Variants in VPS13B observed in about 807,000 individuals in gnomAD.
VPS13B encodes intermembrane lipid transfer protein VPS13B.
In VPS13B, 285 loss-of-function variants were observed where a neutral mutation model predicts 426.4. The observed-to-expected ratio is 0.67, with a 90% confidence interval of 0.61 to 0.74. The LOEUF (loss-of-function observed/expected upper bound fraction) is 0.74. Ranked by LOEUF, VPS13B falls within the 30% of genes least tolerant of loss-of-function variation. VPS13B has a pLI of 0.00. For missense variants in VPS13B, 4,537 were observed against 4,782.6 expected (o/e 0.95, Z 1.51); for synonymous variants, 1,676 against 1,676.4 (o/e 1.00, Z 0.01).
intron 36 of VPS13B, among the ~76,000 whole-genome samples, chr8:99,704,584 C>A (rs1241655124): frequency 1.3e-5 from 2 of 152,178 alleles, no homozygotes; most frequent in Non-Finnish European, 2.9e-5. Context: ...TGTCTAATGC[C>A]TGAACAATAG....
chr8:99,079,069 A>G (rs889362054), intron 3 of VPS13B, among the ~76,000 whole-genome samples: 1 of 152,028 alleles, frequency 6.6e-6, no homozygotes, highest in Admixed American at 6.5e-5. Context: ...CAGGTGCCAG[A>G]TGTGGTGAGT....
At chr8:99,468,824 AT>A (rs1463690671) in intron 24 of VPS13B, among the ~76,000 whole-genome samples, 2 of 152,074 alleles carry the variant, frequency 1.3e-5, no homozygotes, top group Non-Finnish European at 2.9e-5. Context: ...AATTAACTGT[AT>A]TTTTGTTTGT....
At chr8:99,264,191 T>G (rs1205827572) in intron 17 of VPS13B, among the ~76,000 whole-genome samples, 6 of 151,998 alleles carry the variant, frequency 3.9e-5, no homozygotes, top group Admixed American at 3.9e-4. Flanking sequence ...GTGAGATAAT[T>G]ACTTTTAATT....
At chr8:99,468,973 C>T (rs1819255379) in intron 24 of VPS13B, among the ~76,000 whole-genome samples, 1 of 151,906 alleles carries the variant, frequency 6.6e-6, no homozygotes, top group East Asian at 1.9e-4. Context: ...CTTCTCCCTA[C>T]TATATACTAT....
At chr8:99,503,259 A>C (rs1037692985) in intron 27 of VPS13B, among the ~76,000 whole-genome samples, 2 of 152,240 alleles carry the variant, frequency 1.3e-5, no homozygotes, top group East Asian at 3.8e-4. Context: ...CTTTATTGCT[A>C]AAATGTGCTA....
chr8:99,204,942 T>A (rs1299830335), intron 17 of VPS13B, among the ~76,000 whole-genome samples: 10 of 152,220 alleles, frequency 6.6e-5, no homozygotes, highest in Admixed American at 6.5e-4. Context: ...TGGAAGATAG[T>A]GTGGCAATTC....
chr8:99,045,410 T>C (rs1213295762), intron 3 of VPS13B, among the ~76,000 whole-genome samples: 2 of 146,532 alleles, frequency 1.4e-5, no homozygotes, highest in African/African-American at 2.5e-5. Flanking sequence ...GTTTTTTTTT[T>C]CTTGCTAATT....
chr8:99,150,353 G>C (rs1811000089), intron 14 of VPS13B, among the ~76,000 whole-genome samples: 1 of 152,178 alleles, frequency 6.6e-6, no homozygotes, highest in African/African-American at 2.4e-5. Flanking sequence ...CAACAGAGTA[G>C]TATGTTTGTT....
intron 19 of VPS13B, among the ~76,000 whole-genome samples, chr8:99,381,912 G>C (rs1207566300): frequency 6.6e-6 from 1 of 151,962 alleles, no homozygotes; most frequent in Non-Finnish European, 1.5e-5. Flanking sequence ...GCCTGTTCCT[G>C]TGTCCAGAAT....
intron 7 of VPS13B, among the ~76,000 whole-genome samples, chr8:99,119,832 G>C (rs1172859056): frequency 1.3e-5 from 2 of 151,916 alleles, no homozygotes. Context: ...ATGGAGAGTA[G>C]ATATGAGTGA....
In VPS13B at chr8:99,789,263, G is replaced by A. The variant is rs148079779; in HGVS notation, c.7941+4787G>A. Among the ~76,000 whole-genome samples, 327 of 152,112 alleles carry A rather than the reference G, an allele frequency of 2.1e-3. 5 individuals carry two copies. Among genetic ancestry groups the A allele is most frequent in the Admixed American group, 0.017 (264 of 15,258 alleles). The stretch of plus-strand genomic sequence containing the variant: ...TGCTTTACAAATCCGTTTATATAAT[G>A]CATGTATACATATATATTTAGAGAA... On this transcript the variant is annotated intron_variant, in intron 43 of 61. Coordinates refer to ENST00000357162, the MANE Select transcript of VPS13B (RefSeq NM_152564.5).
rs2132771943 is a variant in VPS13B at position 99,205,265 on chromosome 8, A to G, written c.2515+12208A>G. On this transcript the variant is annotated intron_variant, in intron 17 of 61. Transcript: ENST00000357162. Reference sequence around the variant, plus strand: ...AAACTAACACATGAACAGAAAACCAAACACCACGTGTTCTCACTCATAAGT... The same window carrying G: ...AAACTAACACATGAACAGAAAACCAGACACCACGTGTTCTCACTCATAAGT... 2.6e-5 allele frequency among the ~76,000 whole-genome samples: 4 copies of G among 152,304 alleles called. 1 individual carries two copies. Among genetic ancestry groups the G allele is most frequent in the Admixed American group, 2.6e-4 (4 of 15,288 alleles).
intron 25 of VPS13B, 24 bp downstream of exon 25, chr8:99,481,826 T>C: frequency 6.2e-7 from 1 of 1,612,390 alleles, no homozygotes; most frequent in East Asian, 2.2e-5. Context: ...AAAATCCTGT[T>C]ACAAAATGAA....
At chr8:99,186,127 A>G (rs2132708533) in intron 16 of VPS13B, among the ~76,000 whole-genome samples, 1 of 152,266 alleles carries the variant, frequency 6.6e-6, no homozygotes, top group South Asian at 2.1e-4. Flanking sequence ...TGTTCAGACT[A>G]AGACTTCTGG....
rs150783688 is a variant in VPS13B at position 99,135,633 on chromosome 8, C to T, written c.1463C>T (p.Thr488Met). 642 of 1,613,088 alleles carry T rather than the reference C, an allele frequency of 4.0e-4. 1 individual carries two copies. The highest frequency in any genetic ancestry group is 2.6e-4 in the Non-Finnish European group (302 of 1,179,490). Residue 488 changes from threonine (T) to methionine (M), a missense_variant, in exon 11 of 62, where the codon ACG becomes ATG. Thr to Met is a moderately conservative substitution (Grantham distance 81). Transcript: ENST00000357162. The part of the protein sequence containing the change: ...CFFICGDNLS[T>M]KGFTYLTNSL... The stretch of plus-strand genomic sequence containing the variant: ...TTCATTTGTGGTGACAATTTGAGTA[C>T]GAAAGGTTTCACATACCTTACAAAT...
At chr8:99,663,504 G>A (rs1447410265) in intron 35 of VPS13B, among the ~76,000 whole-genome samples, 1 of 152,178 alleles carries the variant, frequency 6.6e-6, no homozygotes, top group East Asian at 1.9e-4. Flanking sequence ...TAGTAAGCAT[G>A]AAGTACCATA....
intron 35 of VPS13B, among the ~76,000 whole-genome samples, chr8:99,667,170 C>G (rs1830521817): frequency 6.6e-6 from 1 of 152,124 alleles, no homozygotes; most frequent in Non-Finnish European, 1.5e-5. Flanking sequence ...TTTAATAGTT[C>G]TAGAAGGTAG....
At chr8:99,164,587 T>A (rs1811881221) in intron 15 of VPS13B, among the ~76,000 whole-genome samples, 1 of 152,194 alleles carries the variant, frequency 6.6e-6, no homozygotes, top group South Asian at 2.1e-4. Context: ...AAATATGGGT[T>A]GAAGACCCAC....
At chr8:99,147,759 T>C in intron 13 of VPS13B, 82 bp from the exon 14 acceptor site, 1 of 937,104 alleles carries the variant, frequency 1.1e-6, no homozygotes, top group Non-Finnish European at 1.4e-6. Flanking sequence ...CCTTATAGTT[T>C]GGAGAACTAA....
Sources: allele counts gnomAD v4.1 joint callset (sites outside exome capture counted in the v4.1 genomes callset), GRCh38; gene constraint gnomAD v4.1.1; transcripts MANE v1.5; gene names NCBI Gene and HGNC (gene_info 2026-07-23, HGNC 2026-07-21).